Variants in PHB1 observed in about 807,000 individuals in gnomAD.
PHB1 encodes epididymis luminal protein 215.
At chr17:49,406,929 G>C in the PHB1 span, 1 of 1,034,716 alleles carries the variant, frequency 9.7e-7, no homozygotes, top group South Asian at 1.3e-5. Context: ...CTCCATGGCC[G>C]CTGGAAGAAG....
At chr17:49,410,036 C>G in the PHB1 span, among the ~76,000 whole-genome samples, 1 of 152,004 alleles carries the variant, frequency 6.6e-6, no homozygotes, top group South Asian at 2.1e-4. Context: ...GCACAGACCA[C>G]CACGCCCAGC....
chr17:49,414,282 G>A, the PHB1 span: 2 of 152,068 alleles, frequency 1.3e-5, no homozygotes, highest in Non-Finnish European at 2.9e-5. Flanking sequence ...TATTAAGAAC[G>A]ACATGCTTCT....
At chr17:49,406,727 G>A in the PHB1 span, 3 of 1,487,188 alleles carry the variant, frequency 2.0e-6, no homozygotes, top group Non-Finnish European at 2.8e-6. Flanking sequence ...AAAGGGGAGA[G>A]AGAGGCTCCT....
At chr17:49,406,720 G>T in the PHB1 span, 1 of 1,407,258 alleles carries the variant, frequency 7.1e-7, no homozygotes, top group South Asian at 1.2e-5. Context: ...GCCGGAGAAA[G>T]GGGAGAGAGA....
chr17:49,408,639 T>C, the PHB1 span: 336 of 164,782 alleles, frequency 2.0e-3, 2 homozygotes, highest in African/African-American at 7.8e-3. Context: ...TGTAAAGTGT[T>C]AGGAAGCTCC....
the PHB1 span, chr17:49,409,496 G>A: frequency 6.3e-7 from 1 of 1,595,246 alleles, no homozygotes; most frequent in Admixed American, 1.7e-5. Flanking sequence ...GACAAACACT[G>A]GAGTTAAAAA....
chr17:49,411,581 T>C, the PHB1 span: 8 of 1,097,240 alleles, frequency 7.3e-6, no homozygotes, highest in Non-Finnish European at 1.1e-5. Context: ...TTCAAACTCT[T>C]TTGGATCCTG....
the PHB1 span, chr17:49,414,218 C>G: frequency 6.6e-6 from 1 of 152,126 alleles, no homozygotes; most frequent in Non-Finnish European, 1.5e-5. Context: ...ACCCAGAGGT[C>G]TAATGCTAGC....
At chr17:49,411,862 T>A in the PHB1 span, 1 of 1,608,252 alleles carries the variant, frequency 6.2e-7, no homozygotes, top group Non-Finnish European at 8.5e-7. Flanking sequence ...GACAATGACA[T>A]GTCATAAAAA....
chr17:49,414,122 T>C, the PHB1 span: 1 of 152,158 alleles, frequency 6.6e-6, no homozygotes, highest in Non-Finnish European at 1.5e-5. Context: ...CTATGAAGCA[T>C]ATTACTACAG....
chr17:49,404,077 T>C, the PHB1 span: 1 of 152,534 alleles, frequency 6.6e-6, no homozygotes, highest in Non-Finnish European at 1.5e-5. Context: ...GGGTGTCATT[T>C]ATTGACAGCA....
chr17:49,413,978 G>A, the PHB1 span, among the ~76,000 whole-genome samples: 2 of 152,004 alleles, frequency 1.3e-5, no homozygotes, highest in African/African-American at 2.4e-5. Context: ...GGTTAGATTG[G>A]TGCAATTATG....
At chr17:49,404,828 A>G in the PHB1 span, 1 of 606,912 alleles carries the variant, frequency 1.6e-6, no homozygotes, top group East Asian at 2.8e-5. Flanking sequence ...TTCATTTGAT[A>G]GACTAATTAG....
chr17:49,408,930 A>G, the PHB1 span: 20 of 708,120 alleles, frequency 2.8e-5, no homozygotes, highest in Non-Finnish European at 4.7e-5. Flanking sequence ...TTCAAGTCTC[A>G]CATCTAGCAA....
the PHB1 span, among the ~76,000 whole-genome samples, chr17:49,413,482 CTT>C: frequency 1.5e-4 from 20 of 134,648 alleles, no homozygotes; most frequent in African/African-American, 2.2e-4. Flanking sequence ...AATTCTTCTG[CTT>C]TTTTTTTTTT....
the PHB1 span, among the ~76,000 whole-genome samples, chr17:49,414,048 G>GT: frequency 6.6e-6 from 1 of 152,064 alleles, no homozygotes; most frequent in African/African-American, 2.4e-5. Flanking sequence ...AAAAGTAACC[G>GT]TAACAGCTAA....
At chr17:49,413,168 A>G in the PHB1 span, 1 of 1,601,504 alleles carries the variant, frequency 6.2e-7, no homozygotes, top group East Asian at 2.2e-5. Flanking sequence ...CTGTCCCTCC[A>G]TGCCTCACCA....
chr17:49,411,824 C>T, the PHB1 span: 1 of 1,614,042 alleles, frequency 6.2e-7, no homozygotes, highest in Non-Finnish European at 8.5e-7. Context: ...GATGACAGCT[C>T]TGTGCCCAGC....
chr17:49,408,449 T>C, the PHB1 span, among the ~76,000 whole-genome samples: 117 of 152,336 alleles, frequency 7.7e-4, no homozygotes, highest in African/African-American at 2.7e-3. Flanking sequence ...CCTGCATTGC[T>C]TTCTGAGTTA....
Sources: gnomAD v4.1 joint callset for allele counts (sites outside exome capture counted in the v4.1 genomes callset) on GRCh38, gnomAD v4.1.1 for gene constraint, MANE v1.5 for transcripts, NCBI Gene and HGNC (gene_info 2026-07-23, HGNC 2026-07-21) for gene names.